ARFIP1: variants seen among roughly 807,000 people sequenced by gnomAD.
The protein encoded by ARFIP1 is ARF interacting protein 1, also known as arfaptin-1.
ARFIP1 carries 24 observed loss-of-function variants against 42.5 expected under a neutral mutation model. The ratio of observed to expected loss-of-function variants is 0.57; its 90% confidence interval spans 0.41 to 0.80. The LOEUF (loss-of-function observed/expected upper bound fraction) is 0.80, where lower values mean the gene tolerates loss of function less well. Among genes scored for constraint, ARFIP1 ranks in the 30% least tolerant of loss-of-function variants. The pLI is 0.00. For missense variants in ARFIP1, 354 were observed against 434.0 expected, an observed-to-expected ratio of 0.82 and a Z score of 1.64; for synonymous variants, 141 against 153.7, an observed-to-expected ratio of 0.92 and a Z score of 0.61.
intron 1 of ARFIP1, chr4:152,807,279 T>C (rs568357354): frequency 6.6e-6 from 1 of 152,074 alleles, no homozygotes; most frequent in South Asian, 2.1e-4. Context: ...TTCTTTTTGG[T>C]GAATGTTTTT....
At chr4:152,810,747 C>T (rs1447609111) in intron 1 of ARFIP1, among the ~76,000 whole-genome samples, 7 of 151,992 alleles carry the variant, frequency 4.6e-5, no homozygotes, top group African/African-American at 7.3e-5. Flanking sequence ...ACCTGGGAGG[C>T]GGAGCTTGCA....
intron 2 of ARFIP1, among the ~76,000 whole-genome samples, chr4:152,837,986 C>T (rs746668382): frequency 7.9e-5 from 12 of 152,108 alleles, no homozygotes; most frequent in Non-Finnish European, 1.3e-4. Context: ...GTTTCATTCT[C>T]CTACAAGTGA....
intron 1 of ARFIP1, chr4:152,807,196 T>TTC (rs951564950): frequency 5.9e-5 from 9 of 151,760 alleles, no homozygotes; most frequent in Non-Finnish European, 1.0e-4. Flanking sequence ...CTTTTTTTTT[T>TTC]TTTCTAGTTT....
At chr4:152,873,636 C>T (rs1205582754) in intron 5 of ARFIP1, among the ~76,000 whole-genome samples, 1 of 152,190 alleles carries the variant, frequency 6.6e-6, no homozygotes, top group Non-Finnish European at 1.5e-5. Context: ...TCGTTAAGTC[C>T]TATGCATTCT....
At chr4:152,802,171 A>AT (rs1728474776) in intron 1 of ARFIP1, among the ~76,000 whole-genome samples, 1 of 152,206 alleles carries the variant, frequency 6.6e-6, no homozygotes, top group African/African-American at 2.4e-5. Context: ...AAAAATCTGA[A>AT]TAATTTCATC....
chr4:152,833,946 C>T (rs1460764224), intron 2 of ARFIP1, among the ~76,000 whole-genome samples: 1 of 152,166 alleles, frequency 6.6e-6, no homozygotes, highest in Non-Finnish European at 1.5e-5. Context: ...TTTGTTTTGG[C>T]TCACAGTTCT....
At chr4:152,806,205 A>G (rs540747382) in intron 1 of ARFIP1, among the ~76,000 whole-genome samples, 11 of 152,370 alleles carry the variant, frequency 7.2e-5, no homozygotes, top group African/African-American at 2.4e-4. Flanking sequence ...CTCTGGATCA[A>G]ACACAGGGAA....
intron 1 of ARFIP1, among the ~76,000 whole-genome samples, chr4:152,788,642 C>T (rs1371526364): frequency 6.6e-6 from 1 of 152,092 alleles, no homozygotes; most frequent in African/African-American, 2.4e-5. Context: ...GATTATGCCA[C>T]GGTACTCCAT....
intron 1 of ARFIP1, among the ~76,000 whole-genome samples, chr4:152,799,663 A>G (rs1449523804): frequency 2.0e-5 from 3 of 152,366 alleles, no homozygotes; most frequent in South Asian, 4.1e-4. Context: ...CTGAGAAGCT[A>G]GAGAATTATG....
chr4:152,849,391 A>G (rs1006345053), intron 2 of ARFIP1, among the ~76,000 whole-genome samples: 6 of 152,196 alleles, frequency 3.9e-5, no homozygotes, highest in Non-Finnish European at 8.8e-5. Context: ...AACAAAAGCT[A>G]TTAGGAATAT....
chr4:152,860,351 C>T (rs1342091905), intron 2 of ARFIP1, among the ~76,000 whole-genome samples: 2 of 152,144 alleles, frequency 1.3e-5, no homozygotes, highest in African/African-American at 2.4e-5. Context: ...CAAACTGCCT[C>T]ATCAAATGAT....
intron 2 of ARFIP1, among the ~76,000 whole-genome samples, chr4:152,831,042 T>G (rs988584250): frequency 7.9e-5 from 12 of 152,192 alleles, no homozygotes; most frequent in African/African-American, 2.9e-4. Context: ...GACTTTTAAA[T>G]TCTGAGCACA....
chr4:152,849,601 T>G (rs905449619), intron 2 of ARFIP1, among the ~76,000 whole-genome samples: 24 of 152,070 alleles, frequency 1.6e-4, no homozygotes, highest in Admixed American at 6.6e-5. Context: ...ACTTGTAAGT[T>G]CTTGTTAAAT....
intron 1 of ARFIP1, among the ~76,000 whole-genome samples, chr4:152,791,359 C>T (rs746558396): frequency 9.2e-5 from 14 of 152,058 alleles, no homozygotes; most frequent in African/African-American, 2.7e-4. Flanking sequence ...TGAAAAGCTT[C>T]TATATTTTGG....
chr4:152,810,663 A>T (rs1324585136), intron 1 of ARFIP1, among the ~76,000 whole-genome samples: 4 of 151,922 alleles, frequency 2.6e-5, no homozygotes, highest in African/African-American at 4.8e-5. Flanking sequence ...AAAAAAAAAA[A>T]ATATTAGCTG....
At chr4:152,804,958 A>G (rs1433193811) in intron 1 of ARFIP1, among the ~76,000 whole-genome samples, 1 of 152,154 alleles carries the variant, frequency 6.6e-6, no homozygotes, top group Non-Finnish European at 1.5e-5. Flanking sequence ...GATTGGGAAA[A>G]TCATATTTAC....
At chr4:152,824,726 A>T (rs1417299274) in intron 1 of ARFIP1, among the ~76,000 whole-genome samples, 1 of 152,230 alleles carries the variant, frequency 6.6e-6, no homozygotes, top group African/African-American at 2.4e-5. Flanking sequence ...AACAAAGGGC[A>T]TCCAAATTGG....
Position 152,861,867 on chromosome 4 carries a change from A to G in ARFIP1, c.94-1739A>G, listed in dbSNP as rs903943358. 2.0e-5 allele frequency among the ~76,000 whole-genome samples: 3 copies of G among 152,246 alleles called. No individual in the cohort carries two copies. In the East Asian group the frequency reaches 5.8e-4, roughly 29 times the overall value. On this transcript the variant is annotated intron_variant, in intron 2 of 8. Transcript: ENST00000353617. Reference sequence around the variant, plus strand: ...TATTTTAATTACTCTTAATTATTCTAAATTTCATCCCTTCTGTCTGTTCTT... The same window carrying G: ...TATTTTAATTACTCTTAATTATTCTGAATTTCATCCCTTCTGTCTGTTCTT...
At chr4:152,820,494 TG>T (rs1188237890) in intron 1 of ARFIP1, among the ~76,000 whole-genome samples, 2 of 152,154 alleles carry the variant, frequency 1.3e-5, no homozygotes, top group African/African-American at 4.8e-5. Flanking sequence ...GAGGCTTAAT[TG>T]GCTCATGGTT....
Sources: allele counts gnomAD v4.1 joint callset (sites outside exome capture counted in the v4.1 genomes callset), GRCh38; gene constraint gnomAD v4.1.1; transcripts MANE v1.5; gene names NCBI Gene and HGNC (gene_info 2026-07-23, HGNC 2026-07-21).